The following CAPN14 variants were observed in gnomAD, a reference collection of about 807,000 sequenced individuals.
The protein encoded by CAPN14 is calpain-14.
In CAPN14, 94 loss-of-function variants were observed where a neutral mutation model predicts 101.3. The ratio of observed to expected loss-of-function variants is 0.93; its 90% CI spans 0.79 to 1.10. The LOEUF is 1.10. Ranked by LOEUF, CAPN14 falls within the 50% of genes least tolerant of loss-of-function variation. The pLI is 0.00. For synonymous variants in CAPN14, 338 were observed against 317.9 expected, an observed-to-expected ratio of 1.06 and a Z score of -0.67; for missense variants, 837 against 828.4, an observed-to-expected ratio of 1.01 and a Z score of -0.13.
chr2:31,184,198 G>T (rs1180242984), intron 16 of CAPN14, among the ~76,000 whole-genome samples: 1 of 152,176 alleles, frequency 6.6e-6, no homozygotes. Context: ...CAGGTTTCTT[G>T]ATGGATGCTT....
chr2:31,226,839 T>C (rs1008160066), intron 1 of CAPN14, among the ~76,000 whole-genome samples: 2 of 152,128 alleles, frequency 1.3e-5, no homozygotes, highest in African/African-American at 4.8e-5. Flanking sequence ...CAAGGGTTCA[T>C]TTATTTTTTA....
intron 2 of CAPN14, among the ~76,000 whole-genome samples, chr2:31,203,566 TG>T: frequency 6.6e-6 from 1 of 152,222 alleles, no homozygotes; most frequent in South Asian, 2.1e-4. Flanking sequence ...CAGCCTGTGA[TG>T]GGGTGGTAGG....
At chr2:31,175,913 T>C (rs1489197854) in intron 21 of CAPN14, among the ~76,000 whole-genome samples, 1 of 152,194 alleles carries the variant, frequency 6.6e-6, no homozygotes, top group Non-Finnish European at 1.5e-5. Context: ...AGCTGCTCAA[T>C]AAATCAGTGC....
Position 31,181,004 on chromosome 2 carries a change from T to C in CAPN14, c.1646-4A>G. The C allele has an allele frequency of 1.3e-6, 2 of 1,551,520 alleles. No individual in the cohort carries two copies. Among genetic ancestry groups the C allele is most frequent in the African/African-American group, 1.4e-5 (1 of 73,138 alleles). The stretch of plus-strand genomic sequence containing the variant: ...AAGGGCTGTCTGCTCCCCAGACCTG[T>C]GAAGGAGCGAAAGAGTCCACATGGG... On this transcript the variant is annotated splice_region_variant and splice_polypyrimidine_tract_variant and intron_variant, in intron 16 of 21. Transcript: ENST00000403897.
At chr2:31,187,582 C>G (rs1680963793) in intron 15 of CAPN14, among the ~76,000 whole-genome samples, 176 bp downstream of exon 15, 1 of 152,218 alleles carries the variant, frequency 6.6e-6, no homozygotes, top group Non-Finnish European at 1.5e-5. Context: ...AATGGCTCCA[C>G]TCATTTGTCT....
intron 18 of CAPN14, among the ~76,000 whole-genome samples, 175 bp from the exon 19 acceptor site, chr2:31,177,996 C>T (rs985132264): frequency 8.5e-5 from 13 of 152,170 alleles, no homozygotes; most frequent in African/African-American, 2.7e-4. Flanking sequence ...GATCCTACCG[C>T]CTCATGTTTC....
At chr2:31,201,526 T>C (rs1681779056) in intron 5 of CAPN14, among the ~76,000 whole-genome samples, 1 of 152,154 alleles carries the variant, frequency 6.6e-6, no homozygotes. Context: ...AACTGTAGAT[T>C]AGATGGGCCA....
At chr2:31,196,417 T>A (rs1482399959) in intron 8 of CAPN14, among the ~76,000 whole-genome samples, 1 of 152,248 alleles carries the variant, frequency 6.6e-6, no homozygotes, top group African/African-American at 2.4e-5. Flanking sequence ...CCCACATAGA[T>A]TCAGTTCCTC....
intron 10 of CAPN14, among the ~76,000 whole-genome samples, chr2:31,192,303 T>C (rs1681235161): frequency 6.6e-6 from 1 of 152,140 alleles, no homozygotes; most frequent in African/African-American, 2.4e-5. Context: ...CCAGACACAC[T>C]GACTGGAGTT....
intron 9 of CAPN14, among the ~76,000 whole-genome samples, chr2:31,194,046 G>A (rs1317403007): frequency 6.6e-6 from 1 of 152,090 alleles, no homozygotes; most frequent in Non-Finnish European, 1.5e-5. Context: ...ACTGGTCAGG[G>A]GCCTATCCTA....
At chr2:31,190,960 C>T (rs1681147919) in intron 12 of CAPN14, among the ~76,000 whole-genome samples, 1 of 152,168 alleles carries the variant, frequency 6.6e-6, no homozygotes, top group Non-Finnish European at 1.5e-5. Context: ...TGTCCCCAAG[C>T]CTTTGTCCTT....
At chr2:31,225,887 G>A (rs1441515156) in intron 2 of CAPN14, among the ~76,000 whole-genome samples, 6 of 151,988 alleles carry the variant, frequency 3.9e-5, no homozygotes, top group African/African-American at 1.2e-4. Context: ...CAGAAAGGGA[G>A]AGGAGGAGGA....
At chr2:31,194,625 T>G in intron 8 of CAPN14, 142 bp from the exon 9 acceptor site, 1 of 617,744 alleles carries the variant, frequency 1.6e-6, no homozygotes, top group Admixed American at 2.7e-5. Flanking sequence ...TACAGTAGCA[T>G]GAACATGAAT....
intron 1 of CAPN14, among the ~76,000 whole-genome samples, chr2:31,212,288 T>A (rs1682439048): frequency 7.1e-6 from 1 of 140,744 alleles, no homozygotes; most frequent in Non-Finnish European, 1.5e-5. Flanking sequence ...CCAGCCTGGG[T>A]GACAGAATAA....
intron 1 of CAPN14, chr2:31,233,789 A>G (rs1683266746): frequency 6.6e-6 from 1 of 151,582 alleles, no homozygotes; most frequent in South Asian, 2.1e-4. Flanking sequence ...ATACTAGAGT[A>G]CCTGTTTTCC....
At chr2:31,205,079 C>A (rs1343987020) in intron 2 of CAPN14, 144 bp downstream of exon 2, 2 of 675,980 alleles carry the variant, frequency 3.0e-6, no homozygotes, top group Non-Finnish European at 5.1e-6. Context: ...TCCTACACAT[C>A]TGGTGTTAGA....
In CAPN14 at chr2:31,191,407, T is replaced by C. The variant is rs1297616795; in HGVS notation, c.1279A>G (p.Met427Val). 3 of 1,533,026 alleles carry C rather than the reference T, an allele frequency of 2.0e-6. No individual in the cohort carries two copies. The East Asian group carries it at 7.4e-5, about 38-fold the overall frequency. 95.0% of individuals were successfully genotyped at this position (1,533,026 alleles called of 1,614,324 possible). A position where few individuals can be genotyped will look rare whatever the true frequency, so the allele number is the denominator to read the frequency against. ...TCAAGTGCAGAACTCACCTTGTTCA[T>C]CTAAAAAACAAAAACAAAAACAGAA... is the stretch of plus-strand genomic sequence containing the variant. ...LLAIGFYLYR[M>V]NKYHDDQRRL... The change falls in exon 12 of 22, where the codon ATG becomes GTG. Residue 427 changes from methionine (M) to valine (V), a missense_variant and splice_region_variant. Transcript: ENST00000403897.
At chr2:31,177,401 G>T (rs1194846699) in intron 19 of CAPN14, among the ~76,000 whole-genome samples, 1 of 152,218 alleles carries the variant, frequency 6.6e-6, no homozygotes, top group Non-Finnish European at 1.5e-5. Context: ...CTTCAATGAA[G>T]GAGGCAGTCT....
intron 1 of CAPN14, among the ~76,000 whole-genome samples, chr2:31,209,937 A>T (rs1188003651): frequency 6.6e-6 from 1 of 152,212 alleles, no homozygotes; most frequent in African/African-American, 2.4e-5. Flanking sequence ...GCACTGGTCA[A>T]CCTTAAGACA....
Sources: gnomAD v4.1 joint callset for allele counts (sites outside exome capture counted in the v4.1 genomes callset) on GRCh38, gnomAD v4.1.1 for gene constraint, MANE v1.5 for transcripts, NCBI Gene and HGNC (gene_info 2026-07-23, HGNC 2026-07-21) for gene names.